The following CLSTN1 variants were observed in gnomAD, a reference collection of about 807,000 sequenced individuals.
CLSTN1 encodes calsyntenin-1.
In CLSTN1, 28 loss-of-function variants were observed where a neutral mutation model predicts 108.3. The ratio of observed to expected loss-of-function variants is 0.26; its 90% CI spans 0.19 to 0.35. CLSTN1 has a LOEUF of 0.35. Among genes scored for constraint, CLSTN1 ranks in the 10% least tolerant of loss-of-function variants. The probability of loss-of-function intolerance (pLI) is 1.00; values close to 1 mark genes in which losing one functional copy is unlikely to be tolerated. For missense variants in CLSTN1, 1,157 were observed against 1,302.6 expected (o/e 0.89, Z 1.72); for synonymous variants, 524 against 534.9 (o/e 0.98, Z 0.28).
chr1:9,823,698 G>A lies in CLSTN1; in HGVS notation c.36C>T (p.Ala12=). The change falls in exon 1 of 19, where the codon GCC becomes GCT. Residue 12 remains alanine, a synonymous_variant. Transcript: ENST00000377298. This position sits in a 1 kb window ranked among gnomAD's most constrained non-coding sequence, Gnocchi z 6.3. ...LRRPAPALAP[A]ARLLLAGLLC... is the part of the protein sequence containing the mutation. The stretch of plus-strand genomic sequence containing the variant: ...GCAGCCCGGCCAGCAGCAGCCGGGC[G>A]GCCGGGGCCAGCGCGGGAGCGGGGC... The A allele has an allele frequency of 8.8e-7, 1 of 1,139,228 alleles. No individual in the cohort carries two copies. The highest frequency in any genetic ancestry group is 1.1e-6 in the Non-Finnish European group (1 of 928,636). 70.6% of individuals were successfully genotyped at this position (1,139,228 alleles called of 1,614,324 possible). A position where few individuals can be genotyped will look rare whatever the true frequency, so the allele number is the denominator to read the frequency against.
At chr1:9,786,808 G>C (rs980800544) in intron 1 of CLSTN1, among the ~76,000 whole-genome samples, 1 of 151,428 alleles carries the variant, frequency 6.6e-6, no homozygotes, top group Non-Finnish European at 1.5e-5. Flanking sequence ...CACAGGGCCT[G>C]AGAGCTACAT....
chr1:9,784,682 A>G lies in CLSTN1; in HGVS notation c.92-11288T>C, dbSNP rs79535733. On this transcript the variant is annotated intron_variant, in intron 1 of 18. Transcript: ENST00000377298. ...GGTTTCATTTGCAGATTCAACTTTT[A>G]AACCTTGGTCTATCATAAGAACCTG... 4.2e-3 allele frequency among the ~76,000 whole-genome samples: 639 copies of G among 152,334 alleles called. 12 individuals are homozygous for G. The East Asian group carries it at 0.043, about 10-fold the overall frequency.
At chr1:9,776,729 T>C (rs1478402889) in intron 1 of CLSTN1, among the ~76,000 whole-genome samples, 1 of 152,142 alleles carries the variant, frequency 6.6e-6, no homozygotes, top group East Asian at 1.9e-4. Flanking sequence ...GGGACCCAAA[T>C]AGCTTTTGTT....
chr1:9,802,360 C>G (rs961865208), intron 1 of CLSTN1, among the ~76,000 whole-genome samples: 6 of 152,198 alleles, frequency 3.9e-5, no homozygotes, highest in African/African-American at 1.4e-4. Context: ...ACGTCAAAAG[C>G]TGCCCCAGCC....
intron 10 of CLSTN1, among the ~76,000 whole-genome samples, chr1:9,740,082 C>T (rs146349244): frequency 2.6e-5 from 4 of 152,234 alleles, no homozygotes; most frequent in Non-Finnish European, 5.9e-5. Context: ...TCCCAAAGTG[C>T]TGGGATTACA....
chr1:9,817,553 C>A (rs1344050882), intron 1 of CLSTN1, among the ~76,000 whole-genome samples: 1 of 152,150 alleles, frequency 6.6e-6, no homozygotes, highest in Non-Finnish European at 1.5e-5. Context: ...GTCCCGAACT[C>A]CTGACCTAAG....
chr1:9,765,155 C>T (rs1652263996), intron 2 of CLSTN1, among the ~76,000 whole-genome samples: 1 of 152,006 alleles, frequency 6.6e-6, no homozygotes, highest in African/African-American at 2.4e-5. Context: ...CTTTGGGAGG[C>T]AGGCAGATCA....
chr1:9,794,897 A>G (rs748974921), intron 1 of CLSTN1, among the ~76,000 whole-genome samples: 34 of 151,304 alleles, frequency 2.2e-4, no homozygotes, highest in Non-Finnish European at 3.5e-4. Flanking sequence ...ATAGTTCAAA[A>G]CAGTCCACAC....
Position 9,734,032 on chromosome 1 carries a change from C to T in CLSTN1, c.2221G>A (p.Ala741Thr), listed in dbSNP as rs762342887. The change falls in exon 15 of 19, where the codon GCC becomes ACC. Residue 741 changes from alanine (A) to threonine (T), a missense_variant. Physicochemically the swap from Ala to Thr is moderately conservative, Grantham distance 58 (BLOSUM62 0). Coordinates refer to ENST00000377298, the MANE Select transcript of CLSTN1 (RefSeq NM_001009566.3). The surrounding 1 kb of genome is among the most constrained non-coding windows in gnomAD (Gnocchi z 4.8). ...TCAATGCCCTTCTGCTGCAGGCGGG[C>T]CATGTCCACCTCCAGGCTCTCCTGC... ...HEQESLEVDM[A>T]RLQQKGIEVS... 2 of 1,614,190 alleles carry T rather than the reference C, an allele frequency of 1.2e-6. No homozygotes were observed. Among genetic ancestry groups the T allele is most frequent in the South Asian group, 2.2e-5 (2 of 91,086 alleles).
At chr1:9,740,956 T>C (rs767536161) in intron 10 of CLSTN1, 138 bp downstream of exon 10, 7 of 930,414 alleles carry the variant, frequency 7.5e-6, no homozygotes, top group African/African-American at 3.3e-5. Flanking sequence ...CCAAAAAGGC[T>C]GTACACAGGA....
Position 9,773,350 on chromosome 1 carries a change from C to T in CLSTN1, c.136G>A (p.Val46Ile). 1 of 1,614,086 alleles carries T rather than the reference C, an allele frequency of 6.2e-7. No individual in the cohort carries two copies. Among genetic ancestry groups the T allele is most frequent in the Non-Finnish European group, 8.5e-7 (1 of 1,179,988 alleles). ...AGCACGGTGTTGTCGTTCTCTGTGA[C>T]TATGCCGTGGTAGGTGGGCTCCAGC... ...PWLEPTYHGIVTENDNTVLLD... is the reference protein window; with the variant it reads ...PWLEPTYHGIITENDNTVLLD... The change falls in exon 2 of 19, where the codon GTC (valine) becomes ATC (isoleucine). Residue 46 changes from valine (V) to isoleucine (I), a missense_variant. Val to Ile is a conservative substitution (Grantham distance 29). Coordinates refer to ENST00000377298, the MANE Select transcript of CLSTN1 (RefSeq NM_001009566.3).
rs368470193 is a variant in CLSTN1, at chr1:9,743,946, G to A, written c.1294C>T (p.Arg432Cys). ...TTCTTCTCCTCAGAAGGATCCTGAC[G>A]GAAGAGGAAGATCAGCCGGCACCCG... Reference protein sequence around the residue: ...VHGCRLIFLFRQDPSEEKKYR... With the variant: ...VHGCRLIFLFCQDPSEEKKYR... The change falls in exon 9 of 19, where the codon CGT becomes TGT. Residue 432 changes from arginine (R) to cysteine (C), a missense_variant. Coordinates refer to ENST00000377298, the MANE Select transcript of CLSTN1 (RefSeq NM_001009566.3). 17 of 1,613,980 alleles carry A rather than the reference G, an allele frequency of 1.1e-5. No individual in the cohort carries two copies. Among genetic ancestry groups the A allele is most frequent in the South Asian group, 2.2e-5 (2 of 91,084 alleles).
At chr1:9,753,335 C>T (rs897284407) in intron 4 of CLSTN1, among the ~76,000 whole-genome samples, 1 of 152,080 alleles carries the variant, frequency 6.6e-6, no homozygotes, top group Non-Finnish European at 1.5e-5. Flanking sequence ...AGGCCACGGA[C>T]CAGTACTGGC....
chr1:9,745,666 C>G (rs1651222778), intron 7 of CLSTN1, among the ~76,000 whole-genome samples: 1 of 151,108 alleles, frequency 6.6e-6, no homozygotes, highest in Non-Finnish European at 1.5e-5. Context: ...AATATATAAA[C>G]AAATACAATA....
chr1:9,743,931 C>A lies in CLSTN1; in HGVS notation c.1309G>T (p.Glu437Ter). The change falls in exon 9 of 19, where the codon GAG (glutamate) becomes TAG (stop). Residue 437 changes from glutamate (E) to a stop codon, truncating the protein, a stop_gained. Transcript: ENST00000377298. LOFTEE classifies it high-confidence loss of function. ...TCTGCAGGTCTGTATTTCTTCTCCT[C>A]AGAAGGATCCTGACGGAAGAGGAAG... is the stretch of plus-strand genomic sequence containing the variant. ...LIFLFRQDPSEEKKYRPAEFH... is the reference protein window; with the variant it reads ...LIFLFRQDPS The A allele has an allele frequency of 6.2e-7, 1 of 1,614,114 alleles. No homozygotes were observed. Among genetic ancestry groups the A allele is most frequent in the South Asian group, 1.1e-5 (1 of 91,076 alleles).
chr1:9,754,457 G>C (rs900926756), intron 4 of CLSTN1, among the ~76,000 whole-genome samples: 9 of 152,110 alleles, frequency 5.9e-5, no homozygotes, highest in African/African-American at 1.9e-4. Context: ...TACTCGGGAG[G>C]CTGAGGCAGA....
At chr1:9,804,148 G>C (rs1374629921) in intron 1 of CLSTN1, among the ~76,000 whole-genome samples, 1 of 151,552 alleles carries the variant, frequency 6.6e-6, no homozygotes, top group East Asian at 2.0e-4. Context: ...GGATCACGAG[G>C]TCAAGAGATC....
chr1:9,777,501 C>T (rs142957859), intron 1 of CLSTN1, among the ~76,000 whole-genome samples: 1 of 152,048 alleles, frequency 6.6e-6, no homozygotes, highest in Non-Finnish European at 1.5e-5. Flanking sequence ...CCAGCCTGGA[C>T]AACAGAGCGA....
rs535662383 is a variant in CLSTN1 at position 9,791,676 on chromosome 1, T to C, written c.92-18282A>G. On this transcript the variant is annotated intron_variant, in intron 1 of 18. Transcript: ENST00000377298. ...CCTCCTGAGAAGTTGGGATTACAGG[T>C]GCCCACCACCATGCCCACTAATTTT... Among the ~76,000 whole-genome samples the C allele has an allele frequency of 4.3e-3, 644 of 151,238 alleles. 32 individuals carry two copies. In the East Asian group the frequency reaches 0.046, roughly 11 times the overall value.
Sources: gnomAD v4.1 joint callset for allele counts (sites outside exome capture counted in the v4.1 genomes callset) on GRCh38, gnomAD v4.1.1 for gene constraint, Gnocchi (gnomAD v3.1) non-coding constraint, MANE v1.5 for transcripts, NCBI Gene and HGNC (gene_info 2026-07-23, HGNC 2026-07-21) for gene names.